The following RBM47 variants were observed in gnomAD, a reference collection of about 807,000 sequenced individuals.
RBM47 encodes the protein RNA binding motif protein 47.
A neutral mutation model predicts 47.1 loss-of-function variants in RBM47; 21 were observed. The observed-to-expected ratio is 0.45, with a 90% confidence interval of 0.32 to 0.64. The LOEUF (loss-of-function observed/expected upper bound fraction) is 0.64. RBM47 is among the 30% of genes least tolerant of loss of function. RBM47 has a pLI of 0.05. For missense variants in RBM47, 708 were observed against 870.9 expected (o/e 0.81, Z 2.35); for synonymous variants, 375 against 361.7 (o/e 1.04, Z -0.42).
At chr4:40,570,816 A>G (rs1731630621) in intron 1 of RBM47, among the ~76,000 whole-genome samples, 1 of 151,906 alleles carries the variant, frequency 6.6e-6, no homozygotes, top group African/African-American at 2.4e-5. Flanking sequence ...CTAGCATATG[A>G]GTCAGAAAGT....
At chr4:40,517,120 C>T (rs896201382) in intron 2 of RBM47, among the ~76,000 whole-genome samples, 8 of 138,832 alleles carry the variant, frequency 5.8e-5, no homozygotes, top group African/African-American at 2.1e-4. Context: ...CACCTTCCTT[C>T]CTTCCCTCCT....
intron 3 of RBM47, among the ~76,000 whole-genome samples, chr4:40,442,113 G>T (rs1713742208): frequency 1.3e-5 from 2 of 152,158 alleles, no homozygotes; most frequent in Non-Finnish European, 2.9e-5. Context: ...CCAGTGACAT[G>T]AATTGAGCTG....
chr4:40,582,012 C>T (rs1343924706), intron 1 of RBM47, among the ~76,000 whole-genome samples: 2 of 152,016 alleles, frequency 1.3e-5, no homozygotes, highest in Non-Finnish European at 2.9e-5. Context: ...ACACCAGAAT[C>T]CCGGTTGGCG....
At chr4:40,522,582 T>C (rs972911319) in intron 2 of RBM47, among the ~76,000 whole-genome samples, 16 of 152,176 alleles carry the variant, frequency 1.1e-4, no homozygotes, top group African/African-American at 3.4e-4. Flanking sequence ...ATGTTCACAA[T>C]AATCCAAAAA....
At chr4:40,502,915 T>A (rs1723576127) in intron 2 of RBM47, among the ~76,000 whole-genome samples, 1 of 144,488 alleles carries the variant, frequency 6.9e-6, no homozygotes, top group Non-Finnish European at 1.5e-5. Flanking sequence ...CAAGGCAGGA[T>A]GATTGCTTGA....
Position 40,472,192 on chromosome 4 carries a change from G to A in RBM47, c.-154-5493C>T, listed in dbSNP as rs545088232. Among the ~76,000 whole-genome samples, 488 of 152,294 alleles carry A rather than the reference G, an allele frequency of 3.2e-3. 6 individuals carry two copies. The highest frequency in any genetic ancestry group is 5.1e-3 in the Non-Finnish European group (348 of 68,028). On this transcript the variant is annotated intron_variant, in intron 2 of 6. Transcript: ENST00000295971. ...GTTCCACACCCAATCCAAGCCAATA[G>A]TAGGCACTTAATTTTTTAATTAGTC...
chr4:40,603,387 T>C (rs984765766), intron 1 of RBM47, among the ~76,000 whole-genome samples: 1 of 152,220 alleles, frequency 6.6e-6, no homozygotes, highest in Non-Finnish European at 1.5e-5. Flanking sequence ...TATGGGGATA[T>C]TTTTAATGGT....
At chr4:40,533,452 A>AAT (rs1173676427) in intron 2 of RBM47, among the ~76,000 whole-genome samples, 1 of 151,804 alleles carries the variant, frequency 6.6e-6, no homozygotes, top group African/African-American at 2.4e-5. Context: ...AAAAAAAAAA[A>AAT]AGAAGAAGGG....
At chr4:40,511,371 G>A (rs1026941677) in intron 2 of RBM47, among the ~76,000 whole-genome samples, 6 of 152,150 alleles carry the variant, frequency 3.9e-5, no homozygotes, top group African/African-American at 1.2e-4. Context: ...TACAAATCAA[G>A]AAGAACTTGC....
chr4:40,597,316 CT>C (rs763493888), intron 1 of RBM47, among the ~76,000 whole-genome samples: 1 of 151,542 alleles, frequency 6.6e-6, no homozygotes, highest in Non-Finnish European at 1.5e-5. Context: ...TATTTATAGG[CT>C]GAGGGCAGTG....
intron 6 of RBM47, among the ~76,000 whole-genome samples, chr4:40,430,221 CAAACAAACAAAA>C (rs1371216970): frequency 7.1e-6 from 1 of 140,076 alleles, no homozygotes; most frequent in Non-Finnish European, 1.5e-5. Flanking sequence ...AACAAACAAA[CAAACAAACAAAA>C]AAAGACAAAA....
At chr4:40,593,552 A>G (rs34624689) in intron 1 of RBM47, among the ~76,000 whole-genome samples, 34,618 of 151,918 alleles carry the variant, frequency 0.23, 4,094 homozygotes, top group Admixed American at 0.27. Flanking sequence ...CCTGACCAAC[A>G]TGGTGAAAGC....
intron 2 of RBM47, among the ~76,000 whole-genome samples, chr4:40,474,136 T>A (rs1235109508): frequency 6.6e-6 from 1 of 152,060 alleles, no homozygotes; most frequent in African/African-American, 2.4e-5. Flanking sequence ...TGTGCAGAAG[T>A]GGAAAAAAGC....
intron 1 of RBM47, among the ~76,000 whole-genome samples, chr4:40,569,446 G>A (rs187373973): frequency 0.011 from 1,659 of 145,538 alleles, 32 homozygotes; most frequent in Non-Finnish European, 0.019. Context: ...GTCTGGCTCT[G>A]TCGCCCAGGC....
chr4:40,619,396 C>G (rs556795571), intron 1 of RBM47, among the ~76,000 whole-genome samples: 1 of 152,294 alleles, frequency 6.6e-6, no homozygotes, highest in South Asian at 2.1e-4. Flanking sequence ...CCACTGCACT[C>G]CAGCCTGGGT....
At chr4:40,498,987 G>A (rs375593489) in intron 2 of RBM47, among the ~76,000 whole-genome samples, 22 of 152,078 alleles carry the variant, frequency 1.4e-4, no homozygotes, top group African/African-American at 4.8e-4. Flanking sequence ...AGAGGTTGCG[G>A]TGAGCCAAGA....
intron 6 of RBM47, among the ~76,000 whole-genome samples, chr4:40,430,602 G>T (rs1044695898): frequency 1.3e-5 from 2 of 152,172 alleles, no homozygotes; most frequent in African/African-American, 4.8e-5. Flanking sequence ...CAATTAGTCT[G>T]CCCTTTCTGA....
intron 1 of RBM47, among the ~76,000 whole-genome samples, chr4:40,556,282 C>T (rs1035974504): frequency 2.6e-5 from 4 of 151,958 alleles, no homozygotes; most frequent in Admixed American, 1.3e-4. Context: ...GTGATCTGCC[C>T]GCCTCAGCCT....
At chr4:40,483,459 A>T (rs1042482891) in intron 2 of RBM47, among the ~76,000 whole-genome samples, 1 of 152,198 alleles carries the variant, frequency 6.6e-6, no homozygotes, top group East Asian at 1.9e-4. Flanking sequence ...CACCCAGGAG[A>T]GGACTTCAAG....
Sources: gnomAD v4.1 joint callset for allele counts (sites outside exome capture counted in the v4.1 genomes callset) on GRCh38, gnomAD v4.1.1 for gene constraint, MANE v1.5 for transcripts, NCBI Gene and HGNC (gene_info 2026-07-23, HGNC 2026-07-21) for gene names.